The following GPM6B variants were observed in gnomAD, a reference collection of about 807,000 sequenced individuals.
GPM6B encodes neuronal membrane glycoprotein M6-b.
In GPM6B, 4 loss-of-function variants were observed where a neutral mutation model predicts 27.2. The observed-to-expected ratio is 0.15, with a 90% CI of 0.07 to 0.34. GPM6B has a LOEUF of 0.34. Among genes scored for constraint, GPM6B ranks in the 10% least tolerant of loss-of-function variants. The pLI is 1.00. For missense variants in GPM6B, 183 were observed against 261.9 expected (o/e 0.70, Z 2.08); for synonymous variants, 124 against 103.1 (o/e 1.20, Z -1.23).
intron 1 of GPM6B, among the ~76,000 whole-genome samples, chrX:13,846,382 AC>A (rs11325187): frequency 0.044 from 4,944 of 111,923 alleles, 283 homozygotes; most frequent in African/African-American, 0.15. Flanking sequence ...GTTGCTTTAT[AC>A]CCACTGTGGG....
intron 1 of GPM6B, among the ~76,000 whole-genome samples, chrX:13,842,744 T>G (rs2049593869): frequency 9.0e-6 from 1 of 111,181 alleles, no homozygotes; most frequent in Admixed American, 9.5e-5. Context: ...AAAAAAAATT[T>G]TTTAAAAGCT....
At chrX:13,826,228 G>A (rs140456924) in intron 1 of GPM6B, among the ~76,000 whole-genome samples, 75 of 110,562 alleles carry the variant, frequency 6.8e-4, no homozygotes, top group African/African-American at 2.3e-3. Context: ...GGGGACCTGA[G>A]TAGGGCTGAG....
exon 1 of GPM6B, chrX:13,938,363 C>T (rs1251716343): frequency 1.4e-5 from 4 of 282,862 alleles, no homozygotes; most frequent in Non-Finnish European, 2.5e-5. Flanking sequence ...GCCCCTCCCA[C>T]CTCCAGCGTC....
At chrX:13,937,215 C>T (rs1278217709) in intron 1 of GPM6B, among the ~76,000 whole-genome samples, 1 of 111,978 alleles carries the variant, frequency 8.9e-6, no homozygotes, top group Non-Finnish European at 1.9e-5. Flanking sequence ...AAGAAATTTT[C>T]CTGTTGGATT....
intron 1 of GPM6B, among the ~76,000 whole-genome samples, chrX:13,864,998 T>C (rs939407760): frequency 4.5e-5 from 5 of 112,183 alleles, no homozygotes; most frequent in Admixed American, 9.4e-5. Context: ...AACAATATAC[T>C]GTAATCAAAG....
At chrX:13,823,441 G>C (rs1327220852) in intron 1 of GPM6B, among the ~76,000 whole-genome samples, 3 of 111,543 alleles carry the variant, frequency 2.7e-5, no homozygotes, top group Non-Finnish European at 3.8e-5. Flanking sequence ...CACCAAAACA[G>C]TGATTGCTGA....
chrX:13,825,504 G>T (rs770268380), intron 1 of GPM6B, among the ~76,000 whole-genome samples: 9 of 112,433 alleles, frequency 8.0e-5, no homozygotes, highest in Non-Finnish European at 1.3e-4. Context: ...ACAGGGCCCT[G>T]TCACAGAGGA....
chrX:13,884,092 G>A (rs2050111390), intron 1 of GPM6B, among the ~76,000 whole-genome samples: 3 of 110,186 alleles, frequency 2.7e-5, no homozygotes, highest in African/African-American at 9.9e-5. Context: ...ACAGGAGAAT[G>A]GCTTGAACCC....
intron 5 of GPM6B, among the ~76,000 whole-genome samples, chrX:13,779,012 A>G (rs149377001): frequency 0.02 from 2,223 of 111,779 alleles, 51 homozygotes; most frequent in African/African-American, 0.068. Flanking sequence ...TTCCTCTTCA[A>G]TTCTGATGAA....
chrX:13,785,723 G>A lies in GPM6B; in HGVS notation c.267C>T (p.Ala89=). ...VATILCFSGV[A]LFCGCGHVAL... ...CCACATGCCCACAGCCGCAGAATAA[G>A]GCCACCCCGGAGAAGCAGAGGATGG... The change falls in exon 3 of 8, where the codon GCC becomes GCT. Residue 89 remains alanine, a synonymous_variant. Transcript: ENST00000316715. The A allele has an allele frequency of 8.3e-7, 1 of 1,211,459 alleles. No individual in the cohort carries two copies. Among genetic ancestry groups the A allele is most frequent in the Non-Finnish European group, 1.1e-6 (1 of 895,059 alleles).
chrX:13,924,069 C>T (rs1200036200), intron 1 of GPM6B, among the ~76,000 whole-genome samples: 1 of 111,610 alleles, frequency 9.0e-6, no homozygotes, highest in Non-Finnish European at 1.9e-5. Flanking sequence ...TGTTGACTAT[C>T]CTCAATGAAG....
At chrX:13,869,840 G>T (rs1221301984) in intron 1 of GPM6B, among the ~76,000 whole-genome samples, 2 of 111,965 alleles carry the variant, frequency 1.8e-5, no homozygotes, top group Non-Finnish European at 3.8e-5. Context: ...TTGGCACAAT[G>T]CTGTTAACTA....
At chrX:13,810,737 C>A (rs2049114748) in intron 1 of GPM6B, among the ~76,000 whole-genome samples, 1 of 93,117 alleles carries the variant, frequency 1.1e-5, no homozygotes, top group African/African-American at 4.2e-5. Context: ...ACCCTTAATT[C>A]AGGATTTAAA....
chrX:13,888,900 C>T (rs1364754843), intron 1 of GPM6B: 1 of 111,997 alleles, frequency 8.9e-6, no homozygotes, highest in Non-Finnish European at 1.9e-5. Context: ...GTCAACAGCT[C>T]TCTAGGCCAA....
intron 1 of GPM6B, among the ~76,000 whole-genome samples, chrX:13,886,133 T>C (rs906752710): frequency 1.9e-4 from 21 of 112,274 alleles, no homozygotes; most frequent in Admixed American, 1.8e-3. Context: ...ACACATTCAT[T>C]TTTTTCATTA....
In GPM6B at chrX:13,809,547, G is replaced by A. The variant is rs191537483; in HGVS notation, c.62-1778C>T. Reference sequence around the variant, plus strand: ...TCCCAGCACTTTGGGAGGCCAAGGCGGGCGGATCACTTGAGGTCAGGAGTT... The same window carrying A: ...TCCCAGCACTTTGGGAGGCCAAGGCAGGCGGATCACTTGAGGTCAGGAGTT... On this transcript the variant is annotated intron_variant, in intron 1 of 7. Coordinates refer to ENST00000316715, the MANE Select transcript of GPM6B (RefSeq NM_001001995.3). Among the ~76,000 whole-genome samples the A allele has an allele frequency of 9.0e-3, 998 of 111,294 alleles. 13 individuals carry two copies. Among genetic ancestry groups the A allele is most frequent in the African/African-American group, 0.027 (832 of 30,609 alleles).
chrX:13,869,581 G>A (rs989968367), intron 1 of GPM6B, among the ~76,000 whole-genome samples: 9 of 111,400 alleles, frequency 8.1e-5, no homozygotes, highest in Non-Finnish European at 1.7e-4. Context: ...GTTTGGTTCC[G>A]ATTGTCGAAC....
chrX:13,935,222 C>T (rs1279202689), intron 1 of GPM6B, among the ~76,000 whole-genome samples: 1 of 108,723 alleles, frequency 9.2e-6, no homozygotes, highest in East Asian at 2.9e-4. Flanking sequence ...CAATTGGCCA[C>T]TCACAGTGGC....
At chrX:13,897,174 G>A (rs928527964) in intron 1 of GPM6B, among the ~76,000 whole-genome samples, 4 of 112,059 alleles carry the variant, frequency 3.6e-5, no homozygotes, top group Non-Finnish European at 1.9e-5. Context: ...TTAGAGTTGT[G>A]TACTTTAGAT....
Sources: gnomAD v4.1 joint callset for allele counts (sites outside exome capture counted in the v4.1 genomes callset) on GRCh38, gnomAD v4.1.1 for gene constraint, MANE v1.5 for transcripts, NCBI Gene and HGNC (gene_info 2026-07-23, HGNC 2026-07-21) for gene names.